ADAM32: variants seen among roughly 807,000 people sequenced by gnomAD.
ADAM32 encodes ADAM metallopeptidase domain 32, also known as disintegrin and metalloproteinase domain-containing protein 32.
A neutral mutation model predicts 114.9 loss-of-function variants in ADAM32; 89 were observed. That is an observed-to-expected ratio of 0.77 (90% CI 0.65 to 0.92). The LOEUF (loss-of-function observed/expected upper bound fraction) is 0.92, where lower values mean the gene tolerates loss of function less well. Among genes scored for constraint, ADAM32 ranks in the 40% least tolerant of loss-of-function variants. ADAM32 has a pLI of 0.00. For synonymous variants in ADAM32, 285 were observed against 307.5 expected (o/e 0.93, Z 0.77); for missense variants, 870 against 932.8 (o/e 0.93, Z 0.88).
In ADAM32 at chr8:39,211,249, A is replaced by G. The variant is rs1808193720; in HGVS notation, c.1158A>G (p.Gln386=). 1.9e-6 allele frequency: 3 copies of G among 1,606,082 alleles called. No individual in the cohort carries two copies. The highest frequency in any genetic ancestry group is 2.6e-6 in the Non-Finnish European group (3 of 1,176,466). Reference sequence around the variant, plus strand: ...GTCTTCAGAATAAGCCACAAATGCAAAAAAAATCTCCGAAACCAGTCTGTG... The same window carrying G: ...GTCTTCAGAATAAGCCACAAATGCAGAAAAAATCTCCGAAACCAGTCTGTG... The part of the protein sequence containing the change: ...VKCLQNKPQM[Q]KKSPKPVCGN... The change falls in exon 12 of 25, where the codon CAA becomes CAG. Residue 386 remains glutamine (Q), a synonymous_variant. Coordinates refer to ENST00000379907, the MANE Select transcript of ADAM32 (RefSeq NM_145004.7).
intron 2 of ADAM32, among the ~76,000 whole-genome samples, chr8:39,118,729 G>A (rs990589903): frequency 7.2e-5 from 11 of 152,026 alleles, no homozygotes; most frequent in Non-Finnish European, 1.5e-4. Context: ...CAATCTTTTG[G>A]TAACATTCTA....
In ADAM32 at chr8:39,232,047, G is replaced by A. The variant is rs1361862452; in HGVS notation, c.1546G>A (p.Ala516Thr). 1 of 1,611,286 alleles carries A rather than the reference G, an allele frequency of 6.2e-7. No homozygotes were observed. Among genetic ancestry groups the A allele is most frequent in the Non-Finnish European group, 8.5e-7 (1 of 1,178,682 alleles). The change falls in exon 15 of 25, where the codon GCC (alanine) becomes ACC (threonine). Residue 516 changes from alanine to threonine, a missense_variant. Coordinates refer to ENST00000379907, the MANE Select transcript of ADAM32 (RefSeq NM_145004.7). ...AACAGGTTCAAGAAATGCTCCATTTGCCTGCTATGAAGAAATACAATCTCA... is the reference window on the plus strand; with the variant it reads ...AACAGGTTCAAGAAATGCTCCATTTACCTGCTATGAAGAAATACAATCTCA... ...FGKGSRNAPF[A>T]CYEEIQSQSD...
chr8:39,237,248 T>G (rs886739191), intron 16 of ADAM32, among the ~76,000 whole-genome samples: 1 of 152,168 alleles, frequency 6.6e-6, no homozygotes, highest in African/African-American at 2.4e-5. Context: ...TGATTTAATC[T>G]GACAGCAGTG....
intron 10 of ADAM32, among the ~76,000 whole-genome samples, chr8:39,184,749 C>T (rs905308601): frequency 6.6e-6 from 1 of 152,216 alleles, no homozygotes; most frequent in Non-Finnish European, 1.5e-5. Flanking sequence ...TGCATCACAG[C>T]AACTCATGTT....
chr8:39,114,518 C>A (rs1301910027), intron 1 of ADAM32, among the ~76,000 whole-genome samples: 1 of 152,138 alleles, frequency 6.6e-6, no homozygotes, highest in African/African-American at 2.4e-5. Context: ...TTCCTAGGGA[C>A]TCTGTGATCA....
At chr8:39,194,064 C>T (rs1806788129) in intron 11 of ADAM32, among the ~76,000 whole-genome samples, 1 of 152,082 alleles carries the variant, frequency 6.6e-6, no homozygotes, top group Admixed American at 6.5e-5. Flanking sequence ...GTGCTGGCTT[C>T]CATACCAGTG....
At chr8:39,163,262 T>A (rs1025532973) in intron 7 of ADAM32, among the ~76,000 whole-genome samples, 1 of 152,148 alleles carries the variant, frequency 6.6e-6, no homozygotes, top group African/African-American at 2.4e-5. Context: ...AACAGATCAG[T>A]AGATGGTTGC....
At chr8:39,132,342 G>A (rs908048294) in intron 2 of ADAM32, among the ~76,000 whole-genome samples, 4 of 152,048 alleles carry the variant, frequency 2.6e-5, no homozygotes, top group African/African-American at 9.7e-5. Context: ...TATTTTCTTT[G>A]TGGTGATCCA....
intron 9 of ADAM32, chr8:39,167,970 T>A (rs1371995703): frequency 6.6e-6 from 1 of 152,180 alleles, no homozygotes; most frequent in South Asian, 2.1e-4. Context: ...AGGTAAATGA[T>A]CGTATCATCA....
rs185516282 is a variant in ADAM32 at position 39,213,002 on chromosome 8, C to T, written c.1233+1678C>T. ...TTACTTTAATGATGTTGAGCATGCTCTTACTGGCGATTTTTTAAAAACAAT... is the reference window on the plus strand; with the variant it reads ...TTACTTTAATGATGTTGAGCATGCTTTTACTGGCGATTTTTTAAAAACAAT... On this transcript the variant is annotated intron_variant, in intron 12 of 24. Coordinates refer to ENST00000379907, the MANE Select transcript of ADAM32 (RefSeq NM_145004.7). 3.4e-3 allele frequency among the ~76,000 whole-genome samples: 514 copies of T among 152,160 alleles called. 7 individuals are homozygous for T. Among genetic ancestry groups the T allele is most frequent in the African/African-American group, 0.011 (469 of 41,528 alleles).
At chr8:39,205,110 G>A (rs182900005) in intron 11 of ADAM32, among the ~76,000 whole-genome samples, 46 of 152,316 alleles carry the variant, frequency 3.0e-4, no homozygotes, top group African/African-American at 1.1e-3. Context: ...TCTGTTCTCC[G>A]ATCTCAAACT....
chr8:39,214,863 G>T (rs1163994057), intron 12 of ADAM32, among the ~76,000 whole-genome samples: 1 of 151,994 alleles, frequency 6.6e-6, no homozygotes, highest in Admixed American at 6.6e-5. Context: ...TTTGATTTTT[G>T]TATATGGTGA....
chr8:39,217,197 G>A (rs2129448613), intron 12 of ADAM32, among the ~76,000 whole-genome samples: 1 of 152,008 alleles, frequency 6.6e-6, no homozygotes, highest in South Asian at 2.1e-4. Context: ...ACTCTCTCCT[G>A]ACCTGTAAGG....
At chr8:39,108,656 G>GA (rs1840027930) in intron 1 of ADAM32, among the ~76,000 whole-genome samples, 1 of 152,030 alleles carries the variant, frequency 6.6e-6, no homozygotes, top group African/African-American at 2.4e-5. Flanking sequence ...ATAAGAGAAG[G>GA]AAAAAAATAC....
intron 2 of ADAM32, among the ~76,000 whole-genome samples, chr8:39,118,786 A>T (rs955855953): frequency 1.3e-5 from 2 of 152,190 alleles, no homozygotes; most frequent in Non-Finnish European, 2.9e-5. Flanking sequence ...CATAGAGTTC[A>T]CCCATTTTAA....
intron 2 of ADAM32, among the ~76,000 whole-genome samples, chr8:39,127,364 T>C (rs2129444673): frequency 6.6e-6 from 1 of 152,362 alleles, no homozygotes; most frequent in South Asian, 2.1e-4. Context: ...GAACTTGTTA[T>C]TGGTCTATTC....
chr8:39,210,480 G>T (rs945747275), intron 11 of ADAM32, among the ~76,000 whole-genome samples: 1 of 152,054 alleles, frequency 6.6e-6, no homozygotes, highest in Non-Finnish European at 1.5e-5. Flanking sequence ...ATCACTGGAG[G>T]GTTCTATCCC....
At chr8:39,201,129 A>G (rs1452693209) in intron 11 of ADAM32, among the ~76,000 whole-genome samples, 4 of 152,118 alleles carry the variant, frequency 2.6e-5, no homozygotes, top group Non-Finnish European at 4.4e-5. Flanking sequence ...TTCCATATGA[A>G]CTTTAAAGTA....
chr8:39,253,422 T>A (rs1811432225), intron 17 of ADAM32, among the ~76,000 whole-genome samples: 1 of 151,670 alleles, frequency 6.6e-6, no homozygotes, highest in South Asian at 2.1e-4. Context: ...AATTCCTAGA[T>A]GAAGCAATGA....
Sources: allele counts gnomAD v4.1 joint callset (sites outside exome capture counted in the v4.1 genomes callset), GRCh38; gene constraint gnomAD v4.1.1; transcripts MANE v1.5; gene names NCBI Gene and HGNC (gene_info 2026-07-23, HGNC 2026-07-21).